The following MARCHF2 variants were observed in gnomAD, a reference collection of about 807,000 sequenced individuals.
The protein encoded by MARCHF2 is E3 ubiquitin-protein ligase MARCHF2.
Under a neutral mutation model 24.0 loss-of-function variants are expected in MARCHF2, and 22 were observed. That is an observed-to-expected ratio of 0.92 (90% CI 0.66 to 1.31). The LOEUF is 1.31. MARCHF2 is among the 50% of genes most tolerant of loss of function. MARCHF2 has a pLI of 0.00. For missense variants in MARCHF2, 301 were observed against 335.3 expected, an observed-to-expected ratio of 0.90 and a Z score of 0.80; for synonymous variants, 154 against 153.0, an observed-to-expected ratio of 1.01 and a Z score of -0.05.
intron 4 of MARCHF2, among the ~76,000 whole-genome samples, chr19:8,435,647 T>G (rs1156526353): frequency 6.6e-6 from 1 of 152,024 alleles, no homozygotes; most frequent in African/African-American, 2.4e-5. Context: ...CAAGCGATCC[T>G]CCCACCTCGG....
chr19:8,419,568 G>A (rs1967172131), intron 1 of MARCHF2, among the ~76,000 whole-genome samples: 1 of 151,650 alleles, frequency 6.6e-6, no homozygotes, highest in South Asian at 2.1e-4. Context: ...TGTAATCCCA[G>A]CACTTTGGGA....
In MARCHF2 at chr19:8,430,807, G is replaced by A; in HGVS notation, c.522G>A (p.Glu174=). The change falls in exon 4 of 5, where the codon GAG becomes GAA. Residue 174 remains glutamate (E), a synonymous_variant. Transcript: ENST00000215555. The surrounding 1 kb of genome is among the most constrained non-coding windows in gnomAD (Gnocchi z 4.4). ...ACCTCCGGCTCCACAGCCAGCTGGA[G>A]GCCGTGGGTCTCATTGCCCTCACCA... ...QDHLRLHSQL[E]AVGLIALTIA... 6.2e-7 allele frequency: 1 copy of A among 1,610,908 alleles called. No homozygotes were observed. Among genetic ancestry groups the A allele is most frequent in the Non-Finnish European group, 8.5e-7 (1 of 1,179,992 alleles).
intron 2 of MARCHF2, 35 bp from the exon 3 acceptor site, chr19:8,426,574 C>G (rs373466158): frequency 2.5e-6 from 4 of 1,585,752 alleles, no homozygotes; most frequent in Non-Finnish European, 3.5e-6. Flanking sequence ...ACAGAAAGCC[C>G]AATCATTGCT....
At chr19:8,432,606 TAGAA>T (rs1325355951) in intron 4 of MARCHF2, among the ~76,000 whole-genome samples, 1 of 151,736 alleles carries the variant, frequency 6.6e-6, no homozygotes, top group Admixed American at 6.6e-5. Flanking sequence ...CTGGGCAACA[TAGAA>T]AGACCCCGTG....
intron 1 of MARCHF2, among the ~76,000 whole-genome samples, chr19:8,415,874 CTCTT>C (rs1967074935): frequency 6.6e-6 from 1 of 152,124 alleles, no homozygotes; most frequent in South Asian, 2.1e-4. Context: ...CAGTCACCCT[CTCTT>C]TGTGTCCAGC....
At chr19:8,429,165 C>T (rs1756132880) in intron 3 of MARCHF2, among the ~76,000 whole-genome samples, 1 of 147,902 alleles carries the variant, frequency 6.8e-6, no homozygotes, top group South Asian at 2.1e-4. Context: ...CCATCTCCCC[C>T]ATTCTTCACG....
chr19:8,422,025 T>G lies in MARCHF2; in HGVS notation c.176+9T>G, dbSNP rs759493092. ...GCCTTGGACACACCGAGGTGAGTGG[T>G]GACTGCGTGGATATCCTGGCCTTTG... On this transcript the variant is annotated intron_variant, in intron 2 of 4. Transcript: ENST00000215555. The G allele has an allele frequency of 1.2e-6, 2 of 1,601,670 alleles. No individual in the cohort carries two copies. Among genetic ancestry groups the G allele is most frequent in the Non-Finnish European group, 1.7e-6 (2 of 1,173,104 alleles).
In MARCHF2 at chr19:8,428,842, TAATCCC is replaced by T. The variant is rs758105552; in HGVS notation, c.373-1814_373-1809del. On this transcript the variant is annotated intron_variant, in intron 3 of 4. Coordinates refer to ENST00000215555, the MANE Select transcript of MARCHF2 (RefSeq NM_001005415.2). Reference sequence around the variant, plus strand: ...AGCTGGGCATGGTGGCGGGGGCCTGTAATCCCAGCTTGAACCCGGAAGGCGGAGGTT... The same window carrying T: ...AGCTGGGCATGGTGGCGGGGGCCTGTAGCTTGAACCCGGAAGGCGGAGGTT... Among the ~76,000 whole-genome samples, 1,303 of 147,798 alleles carry T rather than the reference TAATCCC, an allele frequency of 8.8e-3. 96 individuals are homozygous for T. The East Asian group carries it at 0.2, about 23-fold the overall frequency.
In MARCHF2 at chr19:8,438,643, C is replaced by T; in HGVS notation, c.*97C>T. On this transcript the variant is annotated 3_prime_UTR_variant, in exon 5 of 5. Transcript: ENST00000215555. ...TTCCACTTCAACACTTCCACTTCAACAGTTCCCGCACGGCCTGAACGCTTC... is the reference window on the plus strand; with the variant it reads ...TTCCACTTCAACACTTCCACTTCAATAGTTCCCGCACGGCCTGAACGCTTC... 7.4e-7 allele frequency: 1 copy of T among 1,350,214 alleles called. No individual in the cohort carries two copies. Among genetic ancestry groups the T allele is most frequent in the Non-Finnish European group, 1.0e-6 (1 of 983,778 alleles). 83.6% of individuals were successfully genotyped at this position (1,350,214 alleles called of 1,614,324 possible). A position where few individuals can be genotyped will look rare whatever the true frequency, so the allele number is the denominator to read the frequency against.
rs1187820153 is a variant in MARCHF2 at position 8,430,441 on chromosome 19, A to G, written c.373-217A>G. ...TCCCAGCTACTCCGGTGGCTGAGAC[A>G]GGAGAATTGCTTAAACCCAGAAGGT... is the stretch of plus-strand genomic sequence containing the variant. On this transcript the variant is annotated intron_variant, in intron 3 of 4. Transcript: ENST00000215555. The surrounding 1 kb of genome is among the most constrained non-coding windows in gnomAD (Gnocchi z 4.4). 1.3e-5 allele frequency among the ~76,000 whole-genome samples: 2 copies of G among 151,604 alleles called. No homozygotes were observed. Among genetic ancestry groups the G allele is most frequent in the African/African-American group, 2.4e-5 (1 of 41,248 alleles).
chr19:8,437,643 G>A (rs1305846506), intron 4 of MARCHF2, among the ~76,000 whole-genome samples: 4 of 150,782 alleles, frequency 2.7e-5, no homozygotes, highest in South Asian at 4.2e-4. Context: ...GAGCCACCAC[G>A]CCTGGCCTCA....
Position 8,430,931 on chromosome 19 carries a change from G to T in MARCHF2, c.582+64G>T. 4.0e-6 allele frequency: 6 copies of T among 1,485,004 alleles called. No homozygotes were observed. The highest frequency in any genetic ancestry group is 4.5e-6 in the Non-Finnish European group (5 of 1,106,514). 92.0% of individuals were successfully genotyped at this position (1,485,004 alleles called of 1,614,324 possible). A position where few individuals can be genotyped will look rare whatever the true frequency, so the allele number is the denominator to read the frequency against. ...TGCCGCTGGGAGCAGCAGGGCCAAG[G>T]ATTTGGCCCCTGGCTTGTGGGGCAC... On this transcript the variant is annotated intron_variant, in intron 4 of 4. Coordinates refer to ENST00000215555, the MANE Select transcript of MARCHF2 (RefSeq NM_001005415.2). The surrounding 1 kb of genome is among the most constrained non-coding windows in gnomAD (Gnocchi z 4.4).
Position 8,421,846 on chromosome 19 carries a change from G to A in MARCHF2, c.6G>A (p.Thr2=), listed in dbSNP as rs201174087. M[T]TGDCCHLPGS... is the part of the protein sequence containing the mutation. ...ATACGGGGCTCCCGGTGGCCATGAC[G>A]ACGGGTGACTGCTGCCACCTCCCCG... Residue 2 remains threonine (T), a synonymous_variant, in exon 2 of 5, where the codon ACG becomes ACA. Coordinates refer to ENST00000215555, the MANE Select transcript of MARCHF2 (RefSeq NM_001005415.2). 135 of 1,607,774 alleles carry A rather than the reference G, an allele frequency of 8.4e-5. No homozygotes were observed. Among genetic ancestry groups the A allele is most frequent in the Non-Finnish European group, 9.6e-5 (113 of 1,176,914 alleles).
At chr19:8,431,302 C>G (rs1967576496) in intron 4 of MARCHF2, among the ~76,000 whole-genome samples, 1 of 151,466 alleles carries the variant, frequency 6.6e-6, no homozygotes, top group African/African-American at 2.4e-5. Flanking sequence ...AGTTCAAGAC[C>G]AGCCTAACCA....
Position 8,429,344 on chromosome 19 carries a change from G to A in MARCHF2, c.373-1314G>A, listed in dbSNP as rs989569984. On this transcript the variant is annotated intron_variant, in intron 3 of 4. Coordinates refer to ENST00000215555, the MANE Select transcript of MARCHF2 (RefSeq NM_001005415.2). Reference sequence around the variant, plus strand: ...AATTAAGCCCATTTCTTGGCTGGGTGTGGTAGCTCATGCCTGTAATCCCAG... The same window carrying A: ...AATTAAGCCCATTTCTTGGCTGGGTATGGTAGCTCATGCCTGTAATCCCAG... Among the ~76,000 whole-genome samples, 13 of 151,900 alleles carry A rather than the reference G, an allele frequency of 8.6e-5. No individual in the cohort carries two copies. In the East Asian group the frequency reaches 2.3e-3, roughly 27 times the overall value.
At chr19:8,426,849 C>T (rs1967417565) in intron 3 of MARCHF2, 45 bp downstream of exon 3, 2 of 1,568,360 alleles carry the variant, frequency 1.3e-6, no homozygotes, top group South Asian at 1.1e-5. Context: ...GGGGAGAGGG[C>T]AGACATGGGG....
intron 1 of MARCHF2, among the ~76,000 whole-genome samples, chr19:8,420,330 A>G (rs1205471246): frequency 6.7e-6 from 1 of 149,746 alleles, no homozygotes; most frequent in Admixed American, 6.6e-5. Flanking sequence ...CCTGGGCGAC[A>G]AGAGTGAAAC....
chr19:8,421,573 A>C (rs1288531877), intron 1 of MARCHF2, among the ~76,000 whole-genome samples: 2 of 151,758 alleles, frequency 1.3e-5, no homozygotes, highest in Non-Finnish European at 2.9e-5. Context: ...ATACAACCCA[A>C]GCTCCTGCTG....
At chr19:8,414,383 TC>T (rs910493856) in intron 1 of MARCHF2, among the ~76,000 whole-genome samples, 2 of 151,398 alleles carry the variant, frequency 1.3e-5, no homozygotes, top group African/African-American at 4.9e-5. Context: ...GATTCCTACC[TC>T]ACCCTGGTCA....
Sources: gnomAD v4.1 joint callset for allele counts (sites outside exome capture counted in the v4.1 genomes callset) on GRCh38, gnomAD v4.1.1 for gene constraint, Gnocchi (gnomAD v3.1) non-coding constraint, MANE v1.5 for transcripts, NCBI Gene and HGNC (gene_info 2026-07-23, HGNC 2026-07-21) for gene names.